The following ZNF704 variants were observed in gnomAD, a reference collection of about 807,000 sequenced individuals.
The protein encoded by ZNF704 is zinc finger protein 704, also known as glucocorticoid induced gene 1.
A neutral mutation model predicts 44.7 loss-of-function variants in ZNF704; 10 were observed. That is an observed-to-expected ratio of 0.22 (90% CI 0.14 to 0.38). The LOEUF (loss-of-function observed/expected upper bound fraction) is 0.38. Among genes scored for constraint, ZNF704 ranks in the 10% least tolerant of loss-of-function variants. ZNF704 has a pLI of 1.00. For missense variants in ZNF704, 390 were observed against 545.5 expected, an observed-to-expected ratio of 0.71 and a Z score of 2.84; for synonymous variants, 211 against 207.6, an observed-to-expected ratio of 1.02 and a Z score of -0.14.
intron 2 of ZNF704, among the ~76,000 whole-genome samples, chr8:80,736,572 A>G (rs556426968): frequency 2.0e-5 from 3 of 152,252 alleles, no homozygotes; most frequent in South Asian, 2.1e-4. Flanking sequence ...TACTGTTTCT[A>G]CAGCAGTAGT....
intron 7 of ZNF704, among the ~76,000 whole-genome samples, chr8:80,652,632 T>C (rs1308527217): frequency 6.6e-6 from 1 of 152,158 alleles, no homozygotes; most frequent in Non-Finnish European, 1.5e-5. Flanking sequence ...AAGTTGAATC[T>C]CTGAATAGAC....
At position 80,821,368 on chromosome 8, in the gene ZNF704, C is replaced by T. The variant is rs182637635; in HGVS notation, c.221+6G>A. On this transcript the variant is annotated splice_donor_region_variant and intron_variant, in intron 2 of 8. Coordinates refer to ENST00000327835, the MANE Select transcript of ZNF704 (RefSeq NM_001033723.3). Reference sequence around the variant, plus strand: ...CAGACACATGTGAGATTTAATGTTCCCTTACCTTGCTGGAGGAACATCAAT... The same window carrying T: ...CAGACACATGTGAGATTTAATGTTCTCTTACCTTGCTGGAGGAACATCAAT... 5.0e-5 allele frequency: 80 copies of T among 1,613,450 alleles called. 1 individual carries two copies. The East Asian group carries it at 6.0e-4, about 12-fold the overall frequency.
intron 2 of ZNF704, among the ~76,000 whole-genome samples, chr8:80,741,756 T>C (rs1004106543): frequency 2.0e-5 from 3 of 152,192 alleles, no homozygotes; most frequent in Non-Finnish European, 4.4e-5. Context: ...GGGGACCTTC[T>C]AGAGGTTCCC....
intron 2 of ZNF704, among the ~76,000 whole-genome samples, chr8:80,773,551 T>C (rs1260830231): frequency 6.6e-6 from 1 of 152,220 alleles, no homozygotes; most frequent in Non-Finnish European, 1.5e-5. Flanking sequence ...TTGCTTACCA[T>C]GCTCTTTCCT....
At chr8:80,767,808 C>T (rs1352151769) in intron 2 of ZNF704, among the ~76,000 whole-genome samples, 3 of 152,128 alleles carry the variant, frequency 2.0e-5, no homozygotes, top group Non-Finnish European at 2.9e-5. Context: ...TTAAAATTAC[C>T]TTCTCCTTGA....
intron 2 of ZNF704, among the ~76,000 whole-genome samples, chr8:80,791,718 A>T (rs887255098): frequency 1.3e-5 from 2 of 152,306 alleles, no homozygotes; most frequent in Non-Finnish European, 2.9e-5. Flanking sequence ...GGCTGAAAAA[A>T]AAAATGATGG....
intron 5 of ZNF704, among the ~76,000 whole-genome samples, chr8:80,667,193 G>A (rs1818208902): frequency 6.6e-6 from 1 of 152,184 alleles, no homozygotes; most frequent in Admixed American, 6.5e-5. Flanking sequence ...AGTGACGGGA[G>A]GAGTGAGAAC....
chr8:80,838,874 G>C (rs527950163), intron 1 of ZNF704, among the ~76,000 whole-genome samples: 2 of 151,746 alleles, frequency 1.3e-5, no homozygotes, highest in East Asian at 3.9e-4. Context: ...TGGTGGCGGA[G>C]AAGGAGAAGG....
chr8:80,652,406 T>A (rs1208986739), intron 7 of ZNF704, among the ~76,000 whole-genome samples: 1 of 150,978 alleles, frequency 6.6e-6, no homozygotes, highest in Non-Finnish European at 1.5e-5. Flanking sequence ...ATCAACAAAA[T>A]TGATAGACTG....
chr8:80,862,470 G>A (rs764051452), intron 1 of ZNF704, among the ~76,000 whole-genome samples: 7 of 151,608 alleles, frequency 4.6e-5, no homozygotes, highest in African/African-American at 7.3e-5. Flanking sequence ...GAGCAAAAAG[G>A]ACTTGGCACA....
At chr8:80,642,899 G>A in intron 8 of ZNF704, 136 bp downstream of exon 8, 1 of 498,932 alleles carries the variant, frequency 2.0e-6, no homozygotes, top group Non-Finnish European at 3.3e-6. Context: ...TAAAAACCAT[G>A]GGAAAAAAAG....
intron 2 of ZNF704, among the ~76,000 whole-genome samples, chr8:80,763,692 T>C (rs1807171371): frequency 6.6e-6 from 1 of 152,238 alleles, no homozygotes; most frequent in Non-Finnish European, 1.5e-5. Flanking sequence ...TCATTACCTA[T>C]GTAAATTTCT....
chr8:80,786,495 CATA>C (rs1269349872), intron 2 of ZNF704, among the ~76,000 whole-genome samples: 5 of 152,158 alleles, frequency 3.3e-5, no homozygotes, highest in African/African-American at 1.2e-4. Context: ...TTAGAAAGGA[CATA>C]ATAATTGTAT....
chr8:80,741,672 C>T (rs1020968400), intron 2 of ZNF704, among the ~76,000 whole-genome samples: 6 of 152,196 alleles, frequency 3.9e-5, no homozygotes, highest in Admixed American at 2.6e-4. Context: ...AACCCAGCCA[C>T]GTTTCTTCCA....
intron 1 of ZNF704, among the ~76,000 whole-genome samples, chr8:80,872,782 G>C (rs1434783612): frequency 1.3e-5 from 2 of 152,096 alleles, no homozygotes; most frequent in African/African-American, 4.8e-5. Flanking sequence ...AGGGGACTTC[G>C]CTAGAATTCT....
In ZNF704 at chr8:80,755,769, C is replaced by T. The variant is rs373503339; in HGVS notation, c.222-62662G>A. 7.2e-5 allele frequency among the ~76,000 whole-genome samples: 11 copies of T among 152,246 alleles called. No homozygotes were observed. The East Asian group carries it at 1.7e-3, about 24-fold the overall frequency. On this transcript the variant is annotated intron_variant, in intron 2 of 8. Coordinates refer to ENST00000327835, the MANE Select transcript of ZNF704 (RefSeq NM_001033723.3). ...CACTGAATAGTTTAGGTAAGCAATG[C>T]ACAAACAACAGTACCCCCAAACAGC...
intron 1 of ZNF704, among the ~76,000 whole-genome samples, chr8:80,872,589 ACT>A (rs1414742680): frequency 6.6e-6 from 1 of 151,888 alleles, no homozygotes; most frequent in Non-Finnish European, 1.5e-5. Flanking sequence ...AAAATCACTC[ACT>A]CCATTGCTTA....
chr8:80,703,780 G>A (rs141786810), intron 2 of ZNF704, among the ~76,000 whole-genome samples: 58 of 152,294 alleles, frequency 3.8e-4, no homozygotes, highest in Middle Eastern at 3.4e-3. Context: ...CAGCCTTGGA[G>A]TAAGTTCATA....
At chr8:80,708,522 C>A (rs969874256) in intron 2 of ZNF704, among the ~76,000 whole-genome samples, 4 of 152,234 alleles carry the variant, frequency 2.6e-5, no homozygotes, top group African/African-American at 9.6e-5. Context: ...CTTCTGAAAA[C>A]AATACACGTG....
Sources: allele counts gnomAD v4.1 joint callset (sites outside exome capture counted in the v4.1 genomes callset), GRCh38; gene constraint gnomAD v4.1.1; transcripts MANE v1.5; gene names NCBI Gene and HGNC (gene_info 2026-07-23, HGNC 2026-07-21).